Variants in LGSN observed in about 807,000 individuals in gnomAD.
The protein encoded by LGSN is lengsin, lens protein with glutamine synthetase domain, also known as lengsin.
Under a neutral mutation model 19.5 loss-of-function variants are expected in LGSN, and 21 were observed. The ratio of observed to expected loss-of-function variants is 1.07; its 90% confidence interval spans 0.76 to 1.55. LGSN has a LOEUF of 1.55. LGSN is among the 40% of genes most tolerant of loss of function. The probability of loss-of-function intolerance (pLI) is 0.00; values close to 1 mark genes in which losing one functional copy is unlikely to be tolerated. For synonymous variants in LGSN, 257 were observed against 215.6 expected (o/e 1.19, Z -1.68); for missense variants, 673 against 608.5 (o/e 1.11, Z -1.12).
At chr6:63,474,309 G>A in the LGSN span, among the ~76,000 whole-genome samples, 4 of 152,286 alleles carry the variant, frequency 2.6e-5, no homozygotes, top group East Asian at 7.7e-4. Context: ...TCATGTTTGT[G>A]TAGAAAGTGG....
chr6:63,502,395 G>A, the LGSN span, among the ~76,000 whole-genome samples: 1 of 152,022 alleles, frequency 6.6e-6, no homozygotes, highest in Non-Finnish European at 1.5e-5. Context: ...TGTAATAAAG[G>A]TTAAGATACC....
At chr6:63,526,750 G>A in the LGSN span, among the ~76,000 whole-genome samples, 1 of 146,632 alleles carries the variant, frequency 6.8e-6, no homozygotes, top group Non-Finnish European at 1.5e-5. Context: ...AGTGAGTCGA[G>A]ATCACACCAC....
chr6:63,458,330 G>C, the LGSN span, among the ~76,000 whole-genome samples: 1 of 152,230 alleles, frequency 6.6e-6, no homozygotes, highest in South Asian at 2.1e-4. Flanking sequence ...GCCTCCCAAA[G>C]TGCTGGAATT....
the LGSN span, among the ~76,000 whole-genome samples, chr6:63,442,475 C>A: frequency 6.6e-5 from 10 of 152,202 alleles, no homozygotes; most frequent in African/African-American, 2.4e-4. Flanking sequence ...CATTTACAAT[C>A]CCTGACCTAG....
the LGSN span, among the ~76,000 whole-genome samples, chr6:63,346,181 T>C: frequency 4.4e-3 from 665 of 151,972 alleles, 5 homozygotes; most frequent in African/African-American, 0.015. Context: ...TCCCTTGAAA[T>C]TTCCTGGGTG....
At chr6:63,287,413 G>A (rs2347470) in intron 2 of LGSN, among the ~76,000 whole-genome samples, 69,108 of 152,008 alleles carry the variant, frequency 0.45, 16,907 homozygotes, top group Non-Finnish European at 0.52. Context: ...GGAAATTTGG[G>A]TCAGGCATGG....
the LGSN span, among the ~76,000 whole-genome samples, chr6:63,502,703 A>C: frequency 6.6e-6 from 1 of 152,200 alleles, no homozygotes; most frequent in Non-Finnish European, 1.5e-5. Flanking sequence ...GAGAAAAACG[A>C]GTAAATCCTG....
At chr6:63,373,782 G>T in the LGSN span, among the ~76,000 whole-genome samples, 1 of 152,050 alleles carries the variant, frequency 6.6e-6, no homozygotes, top group Non-Finnish European at 1.5e-5. Context: ...AGATCAGCCT[G>T]GCCAATGTGG....
the LGSN span, among the ~76,000 whole-genome samples, chr6:63,517,545 G>A: frequency 2.0e-5 from 3 of 152,116 alleles, no homozygotes; most frequent in East Asian, 5.8e-4. Context: ...AACAACAATA[G>A]CACTATGAAC....
At chr6:63,454,005 T>G in the LGSN span, among the ~76,000 whole-genome samples, 1 of 152,180 alleles carries the variant, frequency 6.6e-6, no homozygotes, top group African/African-American at 2.4e-5. Context: ...GTACAGTTAT[T>G]ATCCCCAATT....
At chr6:63,544,182 C>G in the LGSN span, among the ~76,000 whole-genome samples, 3 of 152,126 alleles carry the variant, frequency 2.0e-5, no homozygotes, top group East Asian at 5.8e-4. Context: ...CACAAATCAT[C>G]TTAGTTTTCT....
the LGSN span, among the ~76,000 whole-genome samples, chr6:63,556,702 G>A: frequency 6.6e-6 from 1 of 152,134 alleles, no homozygotes; most frequent in African/African-American, 2.4e-5. Context: ...ATTTATTCCT[G>A]AGTCACTGAT....
chr6:63,364,594 C>CATCT, the LGSN span, among the ~76,000 whole-genome samples: 1 of 152,218 alleles, frequency 6.6e-6, no homozygotes, highest in South Asian at 2.1e-4. Context: ...ACCTAATAGA[C>CATCT]ATCTACATAA....
chr6:63,404,134 C>G, the LGSN span, among the ~76,000 whole-genome samples: 4 of 152,072 alleles, frequency 2.6e-5, no homozygotes, highest in African/African-American at 9.7e-5. Context: ...AGACCTTAAG[C>G]GAAGGACCTA....
the LGSN span, among the ~76,000 whole-genome samples, chr6:63,363,508 A>C: frequency 5.8e-4 from 88 of 152,346 alleles, no homozygotes; most frequent in African/African-American, 2.1e-3. Flanking sequence ...TCCTTAAATG[A>C]CCTGATGGAG....
At chr6:63,533,954 G>A in the LGSN span, among the ~76,000 whole-genome samples, 3 of 151,706 alleles carry the variant, frequency 2.0e-5, no homozygotes, top group Non-Finnish European at 4.4e-5. Flanking sequence ...AGTGATTCTC[G>A]TGCCTCAGCC....
At chr6:63,501,581 C>T in the LGSN span, among the ~76,000 whole-genome samples, 1 of 151,460 alleles carries the variant, frequency 6.6e-6, no homozygotes, top group Non-Finnish European at 1.5e-5. Flanking sequence ...CAGCTGCTGT[C>T]TAATGTGAAA....
At chr6:63,424,754 G>T in the LGSN span, among the ~76,000 whole-genome samples, 2 of 151,876 alleles carry the variant, frequency 1.3e-5, no homozygotes, top group Non-Finnish European at 2.9e-5. Flanking sequence ...TCTACAAAAA[G>T]TTTAAAAATT....
chr6:63,276,854 C>A lies in LGSN; in HGVS notation c.*3167G>T, dbSNP rs1475348452. On this transcript the variant is annotated 3_prime_UTR_variant, in exon 4 of 4. Coordinates refer to ENST00000370657, the MANE Select transcript of LGSN (RefSeq NM_016571.3). ...CTTTCAACAATAGAAAGCCTATGAA[C>A]AGATGAAAGAAATAGAAAAATAGAT... is the stretch of plus-strand genomic sequence containing the variant. The A allele has an allele frequency of 6.6e-6, 1 of 152,190 alleles. No individual in the cohort carries two copies. Among genetic ancestry groups the A allele is most frequent in the Non-Finnish European group, 1.5e-5 (1 of 68,038 alleles). The allele number at this position is 152,190 out of a possible 1,614,324, so 9.4% of individuals were successfully genotyped here. A position where few individuals can be genotyped will look rare whatever the true frequency, so the allele number is the denominator to read the frequency against.
Sources: gnomAD v4.1 joint callset for allele counts (sites outside exome capture counted in the v4.1 genomes callset) on GRCh38, gnomAD v4.1.1 for gene constraint, MANE v1.5 for transcripts, NCBI Gene and HGNC (gene_info 2026-07-23, HGNC 2026-07-21) for gene names.